DPP10: variants seen among roughly 807,000 people sequenced by gnomAD.
DPP10 encodes the protein inactive dipeptidyl peptidase 10.
DPP10 carries 33 observed loss-of-function variants against 120.9 expected under a neutral mutation model. That is an observed-to-expected ratio of 0.27 (90% CI 0.21 to 0.37). The LOEUF (loss-of-function observed/expected upper bound fraction) is 0.37, where lower values mean the gene tolerates loss of function less well. Among genes scored for constraint, DPP10 ranks in the 10% least tolerant of loss-of-function variants. The pLI, the probability that DPP10 is intolerant of heterozygous loss-of-function variation, is 1.00. For missense variants in DPP10, 816 were observed against 942.8 expected, an observed-to-expected ratio of 0.87 and a Z score of 1.76; for synonymous variants, 337 against 326.1, an observed-to-expected ratio of 1.03 and a Z score of -0.36.
At chr2:114,821,588 T>C (rs1053607419) in intron 1 of DPP10, among the ~76,000 whole-genome samples, 2 of 152,090 alleles carry the variant, frequency 1.3e-5, no homozygotes, top group African/African-American at 4.8e-5. Context: ...AAAGTTCGAG[T>C]CCAAAGTCTC....
chr2:115,830,172 A>C (rs1688772141), intron 21 of DPP10, among the ~76,000 whole-genome samples: 1 of 152,044 alleles, frequency 6.6e-6, no homozygotes, highest in African/African-American at 2.4e-5. Context: ...CCTGGCCAAC[A>C]TGGTGAAACC....
intron 1 of DPP10, among the ~76,000 whole-genome samples, chr2:114,494,094 A>G (rs1682249329): frequency 8.8e-6 from 1 of 113,248 alleles, no homozygotes. Flanking sequence ...TAAAGACAGC[A>G]ATAAGGCAAA....
chr2:115,378,079 A>G (rs1400992222), intron 3 of DPP10, among the ~76,000 whole-genome samples: 2 of 152,062 alleles, frequency 1.3e-5, no homozygotes, highest in African/African-American at 2.4e-5. Flanking sequence ...GTTTTTTCCA[A>G]TTCTGTGAAG....
chr2:115,162,257 G>A, intron 1 of DPP10: 2 of 1,559,998 alleles, frequency 1.3e-6, no homozygotes, highest in Non-Finnish European at 1.7e-6. Context: ...AGAGCCGCGG[G>A]GAAGGGGGCA....
chr2:114,526,776 T>G (rs183854670), intron 1 of DPP10, among the ~76,000 whole-genome samples: 70 of 152,196 alleles, frequency 4.6e-4, no homozygotes, highest in Non-Finnish European at 8.8e-5. Flanking sequence ...TCTACCCTCA[T>G]TACCTAATCA....
intron 19 of DPP10, among the ~76,000 whole-genome samples, chr2:115,804,963 G>T (rs12104441): frequency 0.024 from 3,606 of 152,282 alleles, 141 homozygotes; most frequent in African/African-American, 0.083. Flanking sequence ...AAAGCTGTCA[G>T]ACAGGGACAT....
chr2:114,720,017 A>C (rs1234405500), intron 1 of DPP10, among the ~76,000 whole-genome samples: 1 of 152,192 alleles, frequency 6.6e-6, no homozygotes, highest in Non-Finnish European at 1.5e-5. Flanking sequence ...ATGAAAACTC[A>C]GAGGAGGAAC....
chr2:115,712,705 T>C (rs4627570), intron 7 of DPP10, among the ~76,000 whole-genome samples: 145,290 of 150,262 alleles, frequency 0.97, 70,466 homozygotes, highest in Middle Eastern at 1. Context: ...ACCAAAGTTA[T>C]GTAGGTGCTT....
Position 114,723,186 on chromosome 2 carries a change from G to C in DPP10, c.60+280348G>C, listed in dbSNP as rs572373927. Among the ~76,000 whole-genome samples, 10 of 152,298 alleles carry C rather than the reference G, an allele frequency of 6.6e-5. No individual in the cohort carries two copies. In the South Asian group the frequency reaches 1.9e-3, roughly 28 times the overall value. ...AACTTCCTAGCCTCCATTAGGAAAG[G>C]TATGAACAATCAGTCTGTGCTTCTA... On this transcript the variant is annotated intron_variant, in intron 1 of 25. Transcript: ENST00000410059.
intron 1 of DPP10, among the ~76,000 whole-genome samples, chr2:115,105,946 A>T (rs1416979605): frequency 1.3e-5 from 2 of 152,344 alleles, no homozygotes; most frequent in East Asian, 3.9e-4. Context: ...TAATGGCAAC[A>T]CAAACCTTCT....
At chr2:115,447,824 G>A (rs1218553490) in intron 3 of DPP10, among the ~76,000 whole-genome samples, 2 of 152,176 alleles carry the variant, frequency 1.3e-5, no homozygotes, top group Non-Finnish European at 2.9e-5. Flanking sequence ...ATGGCAGTGT[G>A]AAAATGGGCT....
At chr2:115,184,893 T>C (rs1279033722) in intron 1 of DPP10, among the ~76,000 whole-genome samples, 1 of 152,198 alleles carries the variant, frequency 6.6e-6, no homozygotes, top group East Asian at 1.9e-4. Flanking sequence ...AAATGAATAA[T>C]AGCATTTAGT....
At chr2:115,790,198 GCCT>G (rs1163016261) in intron 17 of DPP10, among the ~76,000 whole-genome samples, 2 of 151,294 alleles carry the variant, frequency 1.3e-5, no homozygotes, top group Admixed American at 6.6e-5. Context: ...TCCTGCCTCA[GCCT>G]CCCGAGTAGC....
intron 1 of DPP10, among the ~76,000 whole-genome samples, chr2:114,613,392 G>C (rs1294535925): frequency 6.6e-6 from 1 of 152,076 alleles, no homozygotes; most frequent in African/African-American, 2.4e-5. Flanking sequence ...ATTTGAGAGG[G>C]GCGGAGTTGG....
intron 1 of DPP10, among the ~76,000 whole-genome samples, chr2:114,789,920 TA>T (rs1388769845): frequency 6.6e-6 from 1 of 152,218 alleles, no homozygotes; most frequent in Non-Finnish European, 1.5e-5. Context: ...CATTATGAAA[TA>T]AAACAACACA....
intron 1 of DPP10, among the ~76,000 whole-genome samples, chr2:114,589,043 G>GT (rs1558910186): frequency 6.6e-6 from 1 of 150,822 alleles, no homozygotes; most frequent in African/African-American, 2.4e-5. Context: ...TTTTTGGGGG[G>GT]GGGGGTAGGG....
chr2:114,662,851 C>T (rs146843627), intron 1 of DPP10, among the ~76,000 whole-genome samples: 12 of 152,284 alleles, frequency 7.9e-5, no homozygotes, highest in African/African-American at 2.9e-4. Context: ...GCACCTGCTG[C>T]TTTGATGCTG....
At position 115,840,817 on chromosome 2, in the gene DPP10, T is replaced by G; in HGVS notation, c.2250T>G (p.Thr750=). 6.2e-7 allele frequency: 1 copy of G among 1,610,292 alleles called. No individual in the cohort carries two copies. The change falls in exon 25 of 26, where the codon ACT becomes ACG. Residue 750 remains threonine, a synonymous_variant. Transcript: ENST00000410059. ...TAATAAAAGCTGGAGTGAATTATAC[T>G]ATGCAGGTAAGCTACTTTCTTAGAA... The part of the protein sequence containing the change: ...KHLIKAGVNY[T]MQVYPDEGHN...
At chr2:115,237,572 A>G (rs1250977727) in intron 1 of DPP10, among the ~76,000 whole-genome samples, 1 of 152,214 alleles carries the variant, frequency 6.6e-6, no homozygotes, top group East Asian at 1.9e-4. Context: ...TGAGGAAGGC[A>G]TGTCAATAGC....
Sources: gnomAD v4.1 joint callset for allele counts (sites outside exome capture counted in the v4.1 genomes callset) on GRCh38, gnomAD v4.1.1 for gene constraint, MANE v1.5 for transcripts, NCBI Gene and HGNC (gene_info 2026-07-23, HGNC 2026-07-21) for gene names.